KLHL32: variants seen among roughly 807,000 people sequenced by gnomAD.
The protein encoded by KLHL32 is kelch like family member 32, also known as kelch-like protein 32.
Under a neutral mutation model 64.8 loss-of-function variants are expected in KLHL32, and 35 were observed. The observed-to-expected ratio is 0.54, with a 90% CI of 0.41 to 0.72. The LOEUF (loss-of-function observed/expected upper bound fraction) is 0.72, where lower values mean the gene tolerates loss of function less well. Ranked by LOEUF, KLHL32 falls within the 30% of genes least tolerant of loss-of-function variation. The pLI, the probability that KLHL32 is intolerant of heterozygous loss-of-function variation, is 0.00. For synonymous variants in KLHL32, 259 were observed against 281.0 expected, an observed-to-expected ratio of 0.92 and a Z score of 0.78; for missense variants, 589 against 768.5, an observed-to-expected ratio of 0.77 and a Z score of 2.76.
chr6:97,098,172 C>T (rs1795244343), intron 6 of KLHL32, among the ~76,000 whole-genome samples: 1 of 152,082 alleles, frequency 6.6e-6, no homozygotes, highest in African/African-American at 2.4e-5. Context: ...CTGGTGTTTA[C>T]AATGTGCAGC....
intron 3 of KLHL32, among the ~76,000 whole-genome samples, chr6:97,035,041 G>T (rs1204382654): frequency 6.6e-6 from 1 of 151,926 alleles, no homozygotes; most frequent in Non-Finnish European, 1.5e-5. Flanking sequence ...TTGAATAAAA[G>T]CGGTCTCTCG....
intron 7 of KLHL32, among the ~76,000 whole-genome samples, chr6:97,117,938 CAA>C (rs1797972377): frequency 6.6e-6 from 1 of 152,096 alleles, no homozygotes. Context: ...TGCATTTACT[CAA>C]AAGCAATATT....
intron 1 of KLHL32, among the ~76,000 whole-genome samples, chr6:96,950,928 CAT>C (rs1485310648): frequency 6.6e-6 from 1 of 152,074 alleles, no homozygotes; most frequent in Non-Finnish European, 1.5e-5. Flanking sequence ...TGGGGGTAGA[CAT>C]GTGCATATAG....
intron 7 of KLHL32, among the ~76,000 whole-genome samples, chr6:97,122,540 A>G (rs761379101): frequency 1.1e-4 from 17 of 152,338 alleles, no homozygotes; most frequent in South Asian, 6.2e-4. Context: ...CAATGAGTGT[A>G]GCCCTCTAAA....
At chr6:97,065,984 GA>G (rs1789675303) in intron 5 of KLHL32, among the ~76,000 whole-genome samples, 1 of 123,384 alleles carries the variant, frequency 8.1e-6, no homozygotes. Flanking sequence ...AATGGTTAAT[GA>G]TTTTTTTTTA....
chr6:97,120,607 G>A (rs1011050581), intron 7 of KLHL32, among the ~76,000 whole-genome samples: 1 of 152,184 alleles, frequency 6.6e-6, no homozygotes, highest in Admixed American at 6.5e-5. Context: ...AGTTCAGCAA[G>A]CTAGGATCTC....
At chr6:97,048,247 A>G (rs1786241746) in intron 4 of KLHL32, among the ~76,000 whole-genome samples, 1 of 152,148 alleles carries the variant, frequency 6.6e-6, no homozygotes, top group Non-Finnish European at 1.5e-5. Context: ...TGAACCAATT[A>G]TGTCATATCC....
chr6:97,058,353 G>A (rs1454131753), intron 4 of KLHL32, among the ~76,000 whole-genome samples: 2 of 152,096 alleles, frequency 1.3e-5, no homozygotes, highest in Admixed American at 1.3e-4. Context: ...TGACAATATG[G>A]AGTCCTTTTT....
chr6:97,132,871 G>A, intron 10 of KLHL32, 124 bp downstream of exon 10: 2 of 621,298 alleles, frequency 3.2e-6, no homozygotes, highest in Non-Finnish European at 5.5e-6. Flanking sequence ...CGTTTTTTGT[G>A]CAACTAGTTC....
At chr6:97,128,723 T>A (rs770367187) in intron 8 of KLHL32, among the ~76,000 whole-genome samples, 8 of 152,230 alleles carry the variant, frequency 5.3e-5, no homozygotes, top group Non-Finnish European at 1.0e-4. Flanking sequence ...AGTATTCACA[T>A]GCTAGCTTAT....
chr6:97,071,092 G>A (rs891271701), intron 5 of KLHL32, among the ~76,000 whole-genome samples: 3 of 151,994 alleles, frequency 2.0e-5, no homozygotes, highest in Non-Finnish European at 4.4e-5. Flanking sequence ...AATAAGGCAG[G>A]AGACACTCTT....
chr6:97,092,658 G>T (rs1794431763), intron 6 of KLHL32, among the ~76,000 whole-genome samples: 1 of 152,170 alleles, frequency 6.6e-6, no homozygotes, highest in South Asian at 2.1e-4. Flanking sequence ...CTATTTCAGG[G>T]ATTGGTGCTC....
chr6:97,078,058 A>G (rs1233240749), intron 5 of KLHL32, among the ~76,000 whole-genome samples: 3 of 152,158 alleles, frequency 2.0e-5, no homozygotes, highest in Admixed American at 2.0e-4. Context: ...CCTACTTGCT[A>G]CTTGGTCCTT....
At chr6:97,031,493 G>C (rs1783539668) in intron 3 of KLHL32, among the ~76,000 whole-genome samples, 1 of 151,926 alleles carries the variant, frequency 6.6e-6, no homozygotes, top group Non-Finnish European at 1.5e-5. Context: ...AGACCACCAT[G>C]CTCAGCTAAT....
chr6:96,916,778 T>A, the KLHL32 span, among the ~76,000 whole-genome samples: 1 of 152,222 alleles, frequency 6.6e-6, no homozygotes, highest in Non-Finnish European at 1.5e-5. Flanking sequence ...TCTACACTTA[T>A]TTAACCAAAA....
intron 1 of KLHL32, among the ~76,000 whole-genome samples, chr6:96,961,881 A>G (rs1253516497): frequency 6.6e-6 from 1 of 152,216 alleles, no homozygotes; most frequent in Non-Finnish European, 1.5e-5. Flanking sequence ...TGTGCAACCA[A>G]CTTGTGAAGT....
At chr6:96,916,637 T>C in the KLHL32 span, among the ~76,000 whole-genome samples, 4 of 152,338 alleles carry the variant, frequency 2.6e-5, no homozygotes, top group African/African-American at 7.2e-5. Context: ...AAGGCCTCTG[T>C]GCACATAAAA....
chr6:97,086,606 C>A (rs1335047653), intron 6 of KLHL32, among the ~76,000 whole-genome samples: 1 of 152,148 alleles, frequency 6.6e-6, no homozygotes, highest in African/African-American at 2.4e-5. Context: ...CACCTGCCCC[C>A]ATGTCTTCAA....
At chr6:96,999,867 A>G (rs532966111) in intron 3 of KLHL32, among the ~76,000 whole-genome samples, 37 of 152,304 alleles carry the variant, frequency 2.4e-4, no homozygotes, top group Admixed American at 9.1e-4. Context: ...CGTCTACTAC[A>G]TGCAAAAAAG....
Sources: allele counts gnomAD v4.1 joint callset (sites outside exome capture counted in the v4.1 genomes callset), GRCh38; gene constraint gnomAD v4.1.1; transcripts MANE v1.5; gene names NCBI Gene and HGNC (gene_info 2026-07-23, HGNC 2026-07-21).